MDGA2: variants seen among roughly 807,000 people sequenced by gnomAD.
MDGA2 encodes MAM domain containing glycosylphosphatidylinositol anchor 2.
MDGA2 carries 40 observed loss-of-function variants against 117.8 expected under a neutral mutation model. The ratio of observed to expected loss-of-function variants is 0.34; its 90% CI spans 0.26 to 0.44. The LOEUF is 0.44. Among genes scored for constraint, MDGA2 ranks in the 20% least tolerant of loss-of-function variants. The pLI, the probability that MDGA2 is intolerant of heterozygous loss-of-function variation, is 1.00. For missense variants in MDGA2, 1,123 were observed against 1,250.6 expected (o/e 0.90, Z 1.54); for synonymous variants, 452 against 439.0 (o/e 1.03, Z -0.37).
In MDGA2 at chr14:47,306,883, T is replaced by C. The variant is rs1287288050; in HGVS notation, c.281-5333A>G. Among the ~76,000 whole-genome samples, 4 of 127,440 alleles carry C rather than the reference T, an allele frequency of 3.1e-5. No homozygotes were observed. The South Asian group carries it at 7.2e-4, about 23-fold the overall frequency. The allele number at this position is 127,440 out of a possible 152,430, so 83.6% of individuals were successfully genotyped here. On this transcript the variant is annotated intron_variant, in intron 1 of 16. Coordinates refer to ENST00000399232, the MANE Select transcript of MDGA2 (RefSeq NM_001113498.3). Reference sequence around the variant, plus strand: ...AGAGAGAGAGAGGCAGATAGACAGATAGAGACAGACAGACAGCCTATACCT... The same window carrying C: ...AGAGAGAGAGAGGCAGATAGACAGACAGAGACAGACAGACAGCCTATACCT...
chr14:47,571,173 T>A (rs1423700006), intron 1 of MDGA2, among the ~76,000 whole-genome samples: 1 of 152,166 alleles, frequency 6.6e-6, no homozygotes, highest in Non-Finnish European at 1.5e-5. Context: ...TCACTGGTCG[T>A]TACAGAAATG....
chr14:47,634,040 A>C (rs1382332656), intron 1 of MDGA2, among the ~76,000 whole-genome samples: 3 of 152,182 alleles, frequency 2.0e-5, no homozygotes, highest in Admixed American at 6.5e-5. Context: ...TTAAGAAAGA[A>C]AATAAAGTAC....
At chr14:47,016,720 T>G (rs1888095623) in intron 8 of MDGA2, among the ~76,000 whole-genome samples, 1 of 151,996 alleles carries the variant, frequency 6.6e-6, no homozygotes. Flanking sequence ...ATAACTAACA[T>G]GAGTATGTTT....
rs531684951 is a variant in MDGA2 at position 46,872,385 on chromosome 14, A to G, written c.2752+1048T>C. On this transcript the variant is annotated intron_variant, in intron 14 of 16. Transcript: ENST00000399232. ...CCCTGTGCTAATCTCTGCGTATTGAAAACATACCTCTTTTGCATACCAGAG... is the reference window on the plus strand; with the variant it reads ...CCCTGTGCTAATCTCTGCGTATTGAGAACATACCTCTTTTGCATACCAGAG... Among the ~76,000 whole-genome samples the G allele has an allele frequency of 3.9e-5, 6 of 152,030 alleles. No homozygotes were observed. In the East Asian group the frequency reaches 9.7e-4, roughly 25 times the overall value.
chr14:47,591,605 T>C (rs1934435855), intron 1 of MDGA2, among the ~76,000 whole-genome samples: 1 of 152,162 alleles, frequency 6.6e-6, no homozygotes, highest in Non-Finnish European at 1.5e-5. Context: ...CATGATCAAG[T>C]TGGCTTCATC....
intron 2 of MDGA2, among the ~76,000 whole-genome samples, chr14:47,236,456 A>G (rs1046999683): frequency 6.6e-6 from 1 of 152,120 alleles, no homozygotes; most frequent in Non-Finnish European, 1.5e-5. Context: ...AGAGACTGAG[A>G]TTCACATGCT....
intron 1 of MDGA2, among the ~76,000 whole-genome samples, chr14:47,409,149 A>G (rs1892320600): frequency 6.6e-6 from 1 of 152,214 alleles, no homozygotes; most frequent in Admixed American, 6.5e-5. Flanking sequence ...TGGAAGATGT[A>G]GAGAAAGCAA....
rs1018531866 is a variant in MDGA2 at position 47,425,807 on chromosome 14, T to C, written c.281-124257A>G. Reference sequence around the variant, plus strand: ...AAAGAGAGAGTGCCCGTATGCCCTCTACCCAGCTTTCCTTTATGTAAAAGT... The same window carrying C: ...AAAGAGAGAGTGCCCGTATGCCCTCCACCCAGCTTTCCTTTATGTAAAAGT... On this transcript the variant is annotated intron_variant, in intron 1 of 16. Transcript: ENST00000399232. Among the ~76,000 whole-genome samples the C allele has an allele frequency of 2.0e-4, 30 of 152,270 alleles. 1 individual carries two copies. Among genetic ancestry groups the C allele is most frequent in the African/African-American group, 7.0e-4 (29 of 41,572 alleles).
chr14:47,251,333 T>C (rs1887437228), intron 2 of MDGA2, among the ~76,000 whole-genome samples: 1 of 152,208 alleles, frequency 6.6e-6, no homozygotes, highest in Non-Finnish European at 1.5e-5. Context: ...GCAAGATAAC[T>C]CTGTCTGTAT....
chr14:47,587,466 T>C (rs1317092440), intron 1 of MDGA2, among the ~76,000 whole-genome samples: 6 of 151,874 alleles, frequency 4.0e-5, no homozygotes, highest in African/African-American at 1.4e-4. Context: ...ACTGTCTATT[T>C]TATCTGACAC....
Position 47,404,631 on chromosome 14 carries a change from A to T in MDGA2, c.281-103081T>A, listed in dbSNP as rs932621408. Among the ~76,000 whole-genome samples, 7 of 152,254 alleles carry T rather than the reference A, an allele frequency of 4.6e-5. No individual in the cohort carries two copies. In the East Asian group the frequency reaches 1.4e-3, roughly 29 times the overall value. ...TACCTCAGTCTTCTAAGAAGCTGAG[A>T]CTATAGGTGTGCATCACCACATATT... is the stretch of plus-strand genomic sequence containing the variant. On this transcript the variant is annotated intron_variant, in intron 1 of 16. Transcript: ENST00000399232.
At chr14:46,857,074 A>G (rs145929024) in intron 14 of MDGA2, among the ~76,000 whole-genome samples, 4 of 152,308 alleles carry the variant, frequency 2.6e-5, no homozygotes, top group African/African-American at 9.6e-5. Context: ...TTCTTTACTC[A>G]AATATATCTT....
At chr14:47,381,240 C>G (rs1355194491) in intron 1 of MDGA2, among the ~76,000 whole-genome samples, 1 of 152,152 alleles carries the variant, frequency 6.6e-6, no homozygotes, top group African/African-American at 2.4e-5. Flanking sequence ...TATGACAAAC[C>G]TATAGCCAAT....
intron 1 of MDGA2, among the ~76,000 whole-genome samples, chr14:47,489,311 A>T (rs1010388196): frequency 6.6e-6 from 1 of 152,100 alleles, no homozygotes; most frequent in Non-Finnish European, 1.5e-5. Context: ...ATGGTTGTAT[A>T]CTGAATTTAT....
chr14:47,149,934 C>A (rs1374436623), intron 3 of MDGA2, among the ~76,000 whole-genome samples: 1 of 152,182 alleles, frequency 6.6e-6, no homozygotes, highest in African/African-American at 2.4e-5. Flanking sequence ...TGGCTGAGGT[C>A]TATAGCTAAT....
chr14:47,487,651 T>G (rs957511728), intron 1 of MDGA2, among the ~76,000 whole-genome samples: 6 of 152,190 alleles, frequency 3.9e-5, no homozygotes, highest in Admixed American at 6.5e-5. Context: ...CAGGTAATTA[T>G]TTGAGCCTGA....
intron 7 of MDGA2, among the ~76,000 whole-genome samples, chr14:47,060,993 A>C (rs1443545429): frequency 6.6e-6 from 1 of 152,032 alleles, no homozygotes; most frequent in Non-Finnish European, 1.5e-5. Context: ...TATTTAACTT[A>C]TAAGCCTATA....
At chr14:47,479,697 A>G (rs546869060) in intron 1 of MDGA2, among the ~76,000 whole-genome samples, 1 of 152,240 alleles carries the variant, frequency 6.6e-6, no homozygotes, top group Admixed American at 6.5e-5. Flanking sequence ...ACTTTTGGTG[A>G]AATGTTTTTC....
Position 47,379,362 on chromosome 14 carries a change from A to G in MDGA2, c.281-77812T>C, listed in dbSNP as rs140130998. Among the ~76,000 whole-genome samples, 8 of 152,346 alleles carry G rather than the reference A, an allele frequency of 5.3e-5. No homozygotes were observed. The East Asian group carries it at 1.2e-3, about 22-fold the overall frequency. On this transcript the variant is annotated intron_variant, in intron 1 of 16. Coordinates refer to ENST00000399232, the MANE Select transcript of MDGA2 (RefSeq NM_001113498.3). ...CATAATGACAGGATCAAATTCATAC[A>G]TAACAATATTAGCCTTAAATGTAAA...
Sources: gnomAD v4.1 joint callset for allele counts (sites outside exome capture counted in the v4.1 genomes callset) on GRCh38, gnomAD v4.1.1 for gene constraint, MANE v1.5 for transcripts, NCBI Gene and HGNC (gene_info 2026-07-23, HGNC 2026-07-21) for gene names.